SBF2: variants seen among roughly 807,000 people sequenced by gnomAD.
SBF2 encodes the protein SET binding factor 2.
Under a neutral mutation model 225.2 loss-of-function variants are expected in SBF2, and 112 were observed. That is an observed-to-expected ratio of 0.50 (90% CI 0.43 to 0.58). The LOEUF (loss-of-function observed/expected upper bound fraction) is 0.58. Among genes scored for constraint, SBF2 ranks in the 20% least tolerant of loss-of-function variants. The pLI is 0.00. For synonymous variants in SBF2, 763 were observed against 773.3 expected (o/e 0.99, Z 0.22); for missense variants, 1,996 against 2,206.2 (o/e 0.90, Z 1.91).
At chr11:10,151,365 T>C (rs1955180769) in intron 2 of SBF2, among the ~76,000 whole-genome samples, 1 of 152,180 alleles carries the variant, frequency 6.6e-6, no homozygotes, top group African/African-American at 2.4e-5. Flanking sequence ...AGGATTCCTT[T>C]CCTCCCCATG....
At chr11:9,989,402 T>A in intron 13 of SBF2, 95 bp downstream of exon 13, 1 of 746,446 alleles carries the variant, frequency 1.3e-6, no homozygotes, top group Non-Finnish European at 2.2e-6. Flanking sequence ...AAGAGCTCAC[T>A]CACGTAACCA....
chr11:9,993,035 C>A lies in SBF2; in HGVS notation c.1122G>T (p.Leu374=). Residue 374 remains leucine (L), a synonymous_variant, in exon 11 of 40, where the codon CTG becomes CTT. Coordinates refer to ENST00000256190, the MANE Select transcript of SBF2 (RefSeq NM_030962.4). Reference sequence around the variant, plus strand: ...GCTCTGCATGAATTCTTATAAGTTGCAGGCAGGATCTATATCCTTGGAAGA... The same window carrying A: ...GCTCTGCATGAATTCTTATAAGTTGAAGGCAGGATCTATATCCTTGGAAGA... ...AQLFQGYRSC[L]QLIRIHAEPV... is the part of the protein sequence containing the mutation. 2 of 1,612,676 alleles carry A rather than the reference C, an allele frequency of 1.2e-6. No homozygotes were observed.
intron 2 of SBF2, among the ~76,000 whole-genome samples, chr11:10,144,400 A>T (rs1326093535): frequency 6.6e-6 from 1 of 152,124 alleles, no homozygotes; most frequent in Non-Finnish European, 1.5e-5. Flanking sequence ...AGGTGGGAGG[A>T]CTGCTTGAGC....
intron 2 of SBF2, among the ~76,000 whole-genome samples, chr11:10,058,027 T>C (rs1030357107): frequency 1.3e-5 from 2 of 151,878 alleles, no homozygotes; most frequent in Admixed American, 6.6e-5. Flanking sequence ...CAATCTACAC[T>C]GCAATTAAAG....
intron 1 of SBF2, among the ~76,000 whole-genome samples, chr11:10,237,726 C>CA (rs1231384747): frequency 6.6e-6 from 1 of 152,198 alleles, no homozygotes; most frequent in Non-Finnish European, 1.5e-5. Context: ...CATAACCCCC[C>CA]AAAGATTCTT....
chr11:9,780,372 G>A lies in SBF2; in HGVS notation c.*46C>T. 2 of 1,489,152 alleles carry A rather than the reference G, an allele frequency of 1.3e-6. No homozygotes were observed. The highest frequency in any genetic ancestry group is 1.9e-6 in the Non-Finnish European group (2 of 1,068,928). 92.2% of individuals were successfully genotyped at this position (1,489,152 alleles called of 1,614,324 possible). On this transcript the variant is annotated 3_prime_UTR_variant, in exon 40 of 40. Transcript: ENST00000256190. ...CCATGCTTCTTTTTCTATCTATCTG[G>A]CAGCATGAGTTCTTCTGTTTCTTCT...
chr11:10,141,748 C>CT (rs936048490), intron 2 of SBF2, among the ~76,000 whole-genome samples: 46 of 152,250 alleles, frequency 3.0e-4, no homozygotes, highest in African/African-American at 1.1e-3. Flanking sequence ...AGTGAAGCAT[C>CT]TATCCAGTTC....
chr11:10,028,220 C>T (rs1351770518), intron 6 of SBF2, among the ~76,000 whole-genome samples: 1 of 151,978 alleles, frequency 6.6e-6, no homozygotes, highest in Non-Finnish European at 1.5e-5. Flanking sequence ...GTCCCATCCA[C>T]TTTCTAAAAG....
chr11:10,294,016 T>C lies in SBF2; in HGVS notation c.54A>G (p.Pro18=). Reference sequence around the variant, plus strand: ...GGCGGTGCCGCCCCACACCCTTACCTGGCTTCTCGTGGTCATAGCCTACCA... The same window carrying C: ...GGCGGTGCCGCCCCACACCCTTACCCGGCTTCTCGTGGTCATAGCCTACCA... ...FIVVGYDHEK[P]GSGEGLGKII... is the part of the protein sequence containing the mutation. The change falls in exon 1 of 40, where the codon CCA becomes CCG. Residue 18 remains proline, a splice_region_variant and synonymous_variant. Transcript: ENST00000256190. 1.4e-6 allele frequency: 2 copies of C among 1,399,594 alleles called. No homozygotes were observed. The highest frequency in any genetic ancestry group is 1.9e-6 in the Non-Finnish European group (2 of 1,070,664). The allele number at this position is 1,399,594 out of a possible 1,614,324, so 86.7% of individuals were successfully genotyped here.
Position 9,811,672 on chromosome 11 carries a change from T to G in SBF2, c.4155+860A>C, listed in dbSNP as rs191473868. On this transcript the variant is annotated intron_variant, in intron 30 of 39. Coordinates refer to ENST00000256190, the MANE Select transcript of SBF2 (RefSeq NM_030962.4). ...TATGTGGCGGCATTTCTCTTTGGTT[T>G]AAGTATCTTGAGAACAGTCACAGCC... Among the ~76,000 whole-genome samples the G allele has an allele frequency of 2.3e-3, 352 of 152,118 alleles. 2 individuals are homozygous for G. The highest frequency in any genetic ancestry group is 8.1e-3 in the African/African-American group (335 of 41,450).
chr11:10,192,532 C>T (rs1242363533), intron 2 of SBF2, among the ~76,000 whole-genome samples: 1 of 152,148 alleles, frequency 6.6e-6, no homozygotes, highest in Admixed American at 6.5e-5. Context: ...GAACAAACAG[C>T]AACAATACTA....
At chr11:9,959,868 C>A in intron 16 of SBF2, 1 of 472,278 alleles carries the variant, frequency 2.1e-6, no homozygotes. Context: ...GGAGGGGAGG[C>A]CACTGTGCGC....
intron 1 of SBF2, among the ~76,000 whole-genome samples, chr11:10,268,847 C>G (rs1962231220): frequency 6.6e-6 from 1 of 152,164 alleles, no homozygotes; most frequent in African/African-American, 2.4e-5. Flanking sequence ...TTGTTTCAAA[C>G]ATTTCTAGGA....
intron 16 of SBF2, among the ~76,000 whole-genome samples, chr11:9,929,891 G>T (rs59076561): frequency 0.16 from 23,834 of 151,912 alleles, 2,013 homozygotes; most frequent in East Asian, 0.38. Context: ...GCAAAAATGT[G>T]TTGATTGTAA....
intron 1 of SBF2, among the ~76,000 whole-genome samples, chr11:10,209,045 G>T (rs1382265415): frequency 2.0e-5 from 3 of 152,114 alleles, no homozygotes; most frequent in Non-Finnish European, 4.4e-5. Context: ...CCTTAAACAA[G>T]AAATTCGTAT....
intron 2 of SBF2, among the ~76,000 whole-genome samples, chr11:10,143,370 C>A (rs955734554): frequency 1.3e-5 from 2 of 152,080 alleles, no homozygotes; most frequent in African/African-American, 4.8e-5. Flanking sequence ...CGGGGTTTCA[C>A]CATGTTGGTC....
At chr11:10,029,635 T>TA in intron 5 of SBF2, 130 bp downstream of exon 5, 1 of 751,842 alleles carries the variant, frequency 1.3e-6, no homozygotes, top group Non-Finnish European at 2.4e-6. Context: ...AATGCTTAAC[T>TA]AAAGTAGGAT....
At chr11:10,251,699 T>C (rs1253786318) in intron 1 of SBF2, among the ~76,000 whole-genome samples, 1 of 152,222 alleles carries the variant, frequency 6.6e-6, no homozygotes, top group African/African-American at 2.4e-5. Context: ...CCTGGTGCGC[T>C]GTATTCTCTC....
At chr11:9,781,211 T>C (rs1167649690) in intron 39 of SBF2, among the ~76,000 whole-genome samples, 3 of 152,244 alleles carry the variant, frequency 2.0e-5, no homozygotes, top group Non-Finnish European at 4.4e-5. Flanking sequence ...TTCTTGAAAG[T>C]AGGTGGTGAC....
Sources: gnomAD v4.1 joint callset for allele counts (sites outside exome capture counted in the v4.1 genomes callset) on GRCh38, gnomAD v4.1.1 for gene constraint, MANE v1.5 for transcripts, NCBI Gene and HGNC (gene_info 2026-07-23, HGNC 2026-07-21) for gene names.